Variants in BOC observed in about 807,000 individuals in gnomAD.
BOC encodes the protein BOC cell adhesion associated, oncogene regulated, also known as brother of CDO.
A neutral mutation model predicts 112.0 loss-of-function variants in BOC; 76 were observed. The ratio of observed to expected loss-of-function variants is 0.68; its 90% CI spans 0.56 to 0.82. The LOEUF is 0.82. Ranked by LOEUF, BOC falls within the 40% of genes least tolerant of loss-of-function variation. BOC has a pLI of 0.00. For synonymous variants in BOC, 580 were observed against 599.8 expected, an observed-to-expected ratio of 0.97 and a Z score of 0.48; for missense variants, 1,309 against 1,511.7, an observed-to-expected ratio of 0.87 and a Z score of 2.22.
Position 113,278,679 on chromosome 3 carries a change from G to A in BOC, c.1712G>A (p.Arg571Gln), listed in dbSNP as rs761563190. 35 of 1,560,846 alleles carry A rather than the reference G, an allele frequency of 2.2e-5. No individual in the cohort carries two copies. The highest frequency in any genetic ancestry group is 1.7e-4 in the Middle Eastern group (1 of 6,018). Residue 571 changes from arginine to glutamine, a missense_variant, in exon 11 of 20, where the codon CGG (arginine) becomes CAG (glutamine). Coordinates refer to ENST00000682979, the MANE Select transcript of BOC (RefSeq NM_001378074.1). This position sits in a 1 kb window ranked among gnomAD's most constrained non-coding sequence, Gnocchi z 4.2. ...TAMVTFRTGR[R>Q]PKPEIMASKE... ...ACAACCCATTTCCACCCAGGACGGC[G>A]GCCCAAACCCGAGATCATGGCCAGC...
intron 4 of BOC, among the ~76,000 whole-genome samples, chr3:113,258,315 G>A (rs1378151675): frequency 6.6e-6 from 1 of 152,028 alleles, no homozygotes; most frequent in African/African-American, 2.4e-5. Context: ...ATATTTCCAT[G>A]GTGAGCTCAA....
At position 113,267,406 on chromosome 3, in the gene BOC, T is replaced by A. The variant is rs866737307; in HGVS notation, c.377-893T>A. On this transcript the variant is annotated intron_variant, in intron 4 of 19. Coordinates refer to ENST00000682979, the MANE Select transcript of BOC (RefSeq NM_001378074.1). The stretch of plus-strand genomic sequence containing the variant: ...AATCTCCATGCTCTCCCAGTTTAGA[T>A]CCCATGGTGCCAAGCCAGGAGAGAT... 3.9e-5 allele frequency among the ~76,000 whole-genome samples: 6 copies of A among 152,286 alleles called. No homozygotes were observed. The South Asian group carries it at 8.3e-4, about 21-fold the overall frequency.
intron 2 of BOC, among the ~76,000 whole-genome samples, chr3:113,232,341 G>C (rs1942746423): frequency 6.6e-6 from 1 of 152,216 alleles, no homozygotes; most frequent in African/African-American, 2.4e-5. Context: ...GCATGCTTCA[G>C]ATTTCCAAAT....
chr3:113,222,185 C>G (rs1278102312), intron 2 of BOC, among the ~76,000 whole-genome samples: 1 of 152,154 alleles, frequency 6.6e-6, no homozygotes, highest in Non-Finnish European at 1.5e-5. Context: ...GCCTGCTTCC[C>G]CTCTAGACTG....
chr3:113,270,834 A>C lies in BOC; in HGVS notation c.557A>C (p.Gln186Pro). Residue 186 changes from glutamine (Q) to proline (P), a missense_variant, in exon 6 of 20, where the codon CAG becomes CCG. Transcript: ENST00000682979. ...CTGATCATGCCCTCAGGGAACCTCC[A>C]GATTGTGAATGCCAGCCAGGAGGAC... Reference protein sequence around the residue: ...NYLIMPSGNLQIVNASQEDEG... With the variant: ...NYLIMPSGNLPIVNASQEDEG... The C allele has an allele frequency of 6.2e-7, 1 of 1,613,910 alleles. No homozygotes were observed. The highest frequency in any genetic ancestry group is 8.5e-7 in the Non-Finnish European group (1 of 1,179,866).
In BOC at chr3:113,284,842, A is replaced by T; in HGVS notation, c.2950A>T (p.Ser984Cys). ...THLGNGYDPQSHQITRGPKSS... is the reference protein window; with the variant it reads ...THLGNGYDPQCHQITRGPKSS... ...TCTTGGCAATGGATATGACCCCCAA[A>T]GTCACCAGATCACGAGGTAACCAGG... Residue 984 changes from serine (S) to cysteine (C), a missense_variant, in exon 18 of 20, where the codon AGT (serine) becomes TGT (cysteine). Transcript: ENST00000682979. The T allele has an allele frequency of 6.2e-7, 1 of 1,614,182 alleles. No homozygotes were observed. Among genetic ancestry groups the T allele is most frequent in the Non-Finnish European group, 8.5e-7 (1 of 1,180,004 alleles).
intron 4 of BOC, among the ~76,000 whole-genome samples, chr3:113,265,232 A>G (rs1423843022): frequency 6.6e-6 from 1 of 152,206 alleles, no homozygotes; most frequent in African/African-American, 2.4e-5. Context: ...ATGAAGATGG[A>G]GATGGCATCC....
chr3:113,283,196 T>G (rs928286117), intron 15 of BOC, among the ~76,000 whole-genome samples: 1 of 152,208 alleles, frequency 6.6e-6, no homozygotes, highest in Non-Finnish European at 1.5e-5. Context: ...CTTTGAAATA[T>G]AAGGCTCAGG....
At chr3:113,238,815 G>A (rs538709260) in intron 2 of BOC, among the ~76,000 whole-genome samples, 211 of 152,312 alleles carry the variant, frequency 1.4e-3, no homozygotes, top group Admixed American at 2.2e-3. Flanking sequence ...TATAAAATTC[G>A]ATGAATTCTG....
At chr3:113,250,214 C>CA (rs1168340930) in intron 3 of BOC, among the ~76,000 whole-genome samples, 1 of 152,224 alleles carries the variant, frequency 6.6e-6, no homozygotes, top group African/African-American at 2.4e-5. Context: ...AGACTCATGA[C>CA]AACCTTGTGA....
intron 4 of BOC, among the ~76,000 whole-genome samples, chr3:113,267,965 A>ACC (rs11330456): frequency 6.6e-6 from 1 of 150,782 alleles, no homozygotes; most frequent in Non-Finnish European, 1.5e-5. Flanking sequence ...TTGTACTTTG[A>ACC]CCCCCCCCCA....
chr3:113,276,486 A>G (rs936226731), intron 9 of BOC, among the ~76,000 whole-genome samples: 2 of 152,184 alleles, frequency 1.3e-5, no homozygotes, highest in African/African-American at 4.8e-5. Flanking sequence ...GGGTCTCCTC[A>G]GCCTGGGGTT....
At chr3:113,215,394 T>C (rs1480478240) in intron 1 of BOC, among the ~76,000 whole-genome samples, 4 of 152,170 alleles carry the variant, frequency 2.6e-5, no homozygotes, top group African/African-American at 9.7e-5. Flanking sequence ...AAACTGGGGT[T>C]GGAATCTAAG....
intron 2 of BOC, among the ~76,000 whole-genome samples, chr3:113,219,675 T>C (rs1319516938): frequency 1.3e-5 from 2 of 152,218 alleles, no homozygotes; most frequent in African/African-American, 2.4e-5. Flanking sequence ...TGAGGGTCTT[T>C]ATAAGACTTG....
Position 113,274,208 on chromosome 3 carries a change from G to T in BOC, c.1235-167G>T, listed in dbSNP as rs896627551. Among the ~76,000 whole-genome samples the T allele has an allele frequency of 5.9e-5, 9 of 152,224 alleles. No individual in the cohort carries two copies. The highest frequency in any genetic ancestry group is 5.9e-4 in the Admixed American group (9 of 15,292). ...CTTCTGGCAGGACAGGGACACCAGCGCTGTCTTCCACGGAGCCTGGCTGGG... is the reference window on the plus strand; with the variant it reads ...CTTCTGGCAGGACAGGGACACCAGCTCTGTCTTCCACGGAGCCTGGCTGGG... On this transcript the variant is annotated intron_variant, in intron 8 of 19. Transcript: ENST00000682979. The surrounding 1 kb of genome is among the most constrained non-coding windows in gnomAD (Gnocchi z 4.8).
Position 113,278,609 on chromosome 3 carries a change from C to A in BOC, c.1706-64C>A. 2 of 1,389,644 alleles carry A rather than the reference C, an allele frequency of 1.4e-6. No homozygotes were observed. Among genetic ancestry groups the A allele is most frequent in the South Asian group, 1.2e-5 (1 of 80,200 alleles). 86.1% of individuals were successfully genotyped at this position (1,389,644 alleles called of 1,614,324 possible). On this transcript the variant is annotated intron_variant, in intron 10 of 19. Transcript: ENST00000682979. This position sits in a 1 kb window ranked among gnomAD's most constrained non-coding sequence, Gnocchi z 4.2. ...TTAGCAGAGTCTCAGGCAAAAAGGA[C>A]TCTGTGGGAGGGAGATCTCATGCCT...
At chr3:113,255,804 G>A (rs1333876957) in intron 4 of BOC, among the ~76,000 whole-genome samples, 1 of 152,204 alleles carries the variant, frequency 6.6e-6, no homozygotes, top group African/African-American at 2.4e-5. Context: ...CTCTGACTTT[G>A]AGAAAATGTC....
intron 2 of BOC, among the ~76,000 whole-genome samples, chr3:113,239,919 C>T (rs1413834893): frequency 2.6e-5 from 4 of 152,166 alleles, no homozygotes; most frequent in African/African-American, 7.2e-5. Context: ...CACAGGGAGG[C>T]TAACTGTTCA....
chr3:113,223,374 C>T (rs1941083374), intron 2 of BOC, among the ~76,000 whole-genome samples: 1 of 152,198 alleles, frequency 6.6e-6, no homozygotes, highest in Non-Finnish European at 1.5e-5. Flanking sequence ...TTAACCCCCA[C>T]CAGGGTCCCC....
Sources: gnomAD v4.1 joint callset for allele counts (sites outside exome capture counted in the v4.1 genomes callset) on GRCh38, gnomAD v4.1.1 for gene constraint, Gnocchi (gnomAD v3.1) non-coding constraint, MANE v1.5 for transcripts, NCBI Gene and HGNC (gene_info 2026-07-23, HGNC 2026-07-21) for gene names.